Variants in CDH18 observed in about 807,000 individuals in gnomAD.
CDH18 encodes the protein cadherin-18.
CDH18 carries 31 observed loss-of-function variants against 67.9 expected under a neutral mutation model. The ratio of observed to expected loss-of-function variants is 0.46; its 90% confidence interval spans 0.34 to 0.62. The LOEUF (loss-of-function observed/expected upper bound fraction) is 0.62, where lower values mean the gene tolerates loss of function less well. Ranked by LOEUF, CDH18 falls within the 20% of genes least tolerant of loss-of-function variation. The probability of loss-of-function intolerance (pLI) is 0.01; values close to 1 mark genes in which losing one functional copy is unlikely to be tolerated. For synonymous variants in CDH18, 362 were observed against 347.2 expected, an observed-to-expected ratio of 1.04 and a Z score of -0.48; for missense variants, 890 against 975.5, an observed-to-expected ratio of 0.91 and a Z score of 1.17.
At chr5:20,464,478 T>C (rs1751498763) in intron 1 of CDH18, among the ~76,000 whole-genome samples, 1 of 152,170 alleles carries the variant, frequency 6.6e-6, no homozygotes, top group Non-Finnish European at 1.5e-5. Context: ...TTATTGTTTA[T>C]CTTTACAGGT....
At chr5:20,376,529 G>C (rs1562014552) in intron 1 of CDH18, among the ~76,000 whole-genome samples, 1 of 150,684 alleles carries the variant, frequency 6.6e-6, no homozygotes, top group Non-Finnish European at 1.5e-5. Flanking sequence ...CTTTCTTTAG[G>C]GGGGTGTGTT....
chr5:19,939,346 T>A (rs1249900615), intron 2 of CDH18, among the ~76,000 whole-genome samples: 1 of 151,652 alleles, frequency 6.6e-6, no homozygotes, highest in East Asian at 1.9e-4. Context: ...TTTGTGAAAT[T>A]CAATAAAAAA....
At chr5:20,251,313 A>G (rs10075949) in intron 2 of CDH18, among the ~76,000 whole-genome samples, 16,070 of 152,128 alleles carry the variant, frequency 0.11, 1,189 homozygotes, top group African/African-American at 0.2. Context: ...TTTTTTTCAC[A>G]AAACACACCC....
At chr5:20,384,286 C>T (rs1006689805) in intron 1 of CDH18, among the ~76,000 whole-genome samples, 2 of 152,160 alleles carry the variant, frequency 1.3e-5, no homozygotes, top group South Asian at 2.1e-4. Flanking sequence ...CAGCATTCTA[C>T]TTTCCATTTT....
intron 1 of CDH18, among the ~76,000 whole-genome samples, chr5:20,343,416 G>A (rs1740431503): frequency 6.6e-6 from 1 of 152,098 alleles, no homozygotes. Context: ...AGAATCCCTT[G>A]AATGAAGGGA....
At chr5:20,544,271 G>A (rs1212794010) in intron 1 of CDH18, among the ~76,000 whole-genome samples, 1 of 152,070 alleles carries the variant, frequency 6.6e-6, no homozygotes, top group African/African-American at 2.4e-5. Context: ...TGGGTTAATA[G>A]AGGAAGATAG....
At chr5:20,436,072 A>G (rs1749145329) in intron 1 of CDH18, among the ~76,000 whole-genome samples, 1 of 152,080 alleles carries the variant, frequency 6.6e-6, no homozygotes, top group South Asian at 2.1e-4. Context: ...ATTGGTTTAT[A>G]TTTATTTACA....
chr5:19,535,664 TA>T (rs1561289992), intron 9 of CDH18, among the ~76,000 whole-genome samples: 1 of 152,058 alleles, frequency 6.6e-6, no homozygotes, highest in East Asian at 1.9e-4. Flanking sequence ...AAAAAATAAC[TA>T]AAAAGACTCA....
At position 20,335,243 on chromosome 5, in the gene CDH18, G is replaced by A. The variant is rs6871825; in HGVS notation, c.-579-79738C>T. ...TCTTCTTGTTTTTCTAACATGCTAA[G>A]TCTCTATTCCCCCAGGACTTTTGCA... On this transcript the variant is annotated intron_variant, in intron 1 of 14. Coordinates refer to the CDH18 transcript ENST00000507958. 7.3e-3 allele frequency among the ~76,000 whole-genome samples: 1,114 copies of A among 152,096 alleles called. 11 individuals are homozygous for A. Among genetic ancestry groups the A allele is most frequent in the African/African-American group, 0.025 (1,050 of 41,498 alleles).
At chr5:20,028,852 CT>C (rs1739143899) in intron 2 of CDH18, among the ~76,000 whole-genome samples, 1 of 152,116 alleles carries the variant, frequency 6.6e-6, no homozygotes, top group Non-Finnish European at 1.5e-5. Context: ...AAACCGAAAT[CT>C]CAGAAAGTGA....
chr5:20,334,750 TCATACACACACACA>T (rs1195330347), intron 1 of CDH18, among the ~76,000 whole-genome samples: 13 of 99,364 alleles, frequency 1.3e-4, no homozygotes, highest in African/African-American at 6.4e-4. Context: ...TCTCTCTCTC[TCATACACACACACA>T]CACACACACA....
intron 3 of CDH18, among the ~76,000 whole-genome samples, chr5:19,808,798 C>T (rs577398267): frequency 7.4e-6 from 1 of 135,884 alleles, no homozygotes; most frequent in Non-Finnish European, 1.5e-5. Context: ...GCCACTGCCA[C>T]TCCAGCCTGG....
At chr5:20,227,768 A>C (rs1741747718) in intron 2 of CDH18, among the ~76,000 whole-genome samples, 1 of 151,962 alleles carries the variant, frequency 6.6e-6, no homozygotes, top group African/African-American at 2.4e-5. Context: ...GATTACAGGG[A>C]TGAGCCACCA....
chr5:20,527,954 G>A (rs772890326), intron 1 of CDH18, among the ~76,000 whole-genome samples: 16 of 152,054 alleles, frequency 1.1e-4, no homozygotes, highest in Admixed American at 3.9e-4. Flanking sequence ...CCAATTAAAA[G>A]ACACAGAATG....
At chr5:20,208,955 T>A (rs1740133034) in intron 2 of CDH18, among the ~76,000 whole-genome samples, 1 of 152,094 alleles carries the variant, frequency 6.6e-6, no homozygotes, top group Non-Finnish European at 1.5e-5. Flanking sequence ...AATAGATATT[T>A]CGCAAAAGAA....
intron 1 of CDH18, among the ~76,000 whole-genome samples, chr5:20,395,458 G>A (rs1053660477): frequency 6.6e-6 from 1 of 152,088 alleles, no homozygotes; most frequent in African/African-American, 2.4e-5. Context: ...AGGGTAGGAA[G>A]TAGGAATAAG....
chr5:20,575,093 A>T lies in CDH18; in HGVS notation c.-580+369T>A, dbSNP rs577096909. Among the ~76,000 whole-genome samples, 6 of 152,230 alleles carry T rather than the reference A, an allele frequency of 3.9e-5. No individual in the cohort carries two copies. In the South Asian group the frequency reaches 1.2e-3, roughly 32 times the overall value. The stretch of plus-strand genomic sequence containing the variant: ...AATGGTCCTTTCTTGATATGCTATT[A>T]TTTACCAAAGTAGTTTAACAGCTAA... On this transcript the variant is annotated intron_variant, in intron 1 of 14. Transcript: ENST00000507958.
intron 2 of CDH18, among the ~76,000 whole-genome samples, chr5:19,905,993 CT>C (rs1790492650): frequency 6.6e-6 from 1 of 152,040 alleles, no homozygotes; most frequent in Non-Finnish European, 1.5e-5. Flanking sequence ...GTTATATTTT[CT>C]CCTCTAGTCA....
chr5:19,733,776 C>T (rs1767929823), intron 4 of CDH18, among the ~76,000 whole-genome samples: 1 of 152,180 alleles, frequency 6.6e-6, no homozygotes, highest in Non-Finnish European at 1.5e-5. Context: ...CAGCAGACAG[C>T]TAATTAGCAT....
Sources: allele counts gnomAD v4.1 joint callset (sites outside exome capture counted in the v4.1 genomes callset), GRCh38; gene constraint gnomAD v4.1.1; transcripts MANE v1.5; gene names NCBI Gene and HGNC (gene_info 2026-07-23, HGNC 2026-07-21).